BRI3: variants seen among roughly 807,000 people sequenced by gnomAD.
BRI3 encodes the protein membrane protein BRI3.
A neutral mutation model predicts 12.8 loss-of-function variants in BRI3; 6 were observed. The ratio of observed to expected loss-of-function variants is 0.47; its 90% CI spans 0.26 to 0.93. The LOEUF (loss-of-function observed/expected upper bound fraction) is 0.93, where lower values mean the gene tolerates loss of function less well. Among genes scored for constraint, BRI3 ranks in the 40% least tolerant of loss-of-function variants. BRI3 has a pLI of 0.15. For synonymous variants in BRI3, 91 were observed against 76.1 expected, an observed-to-expected ratio of 1.20 and a Z score of -1.02; for missense variants, 134 against 171.1, an observed-to-expected ratio of 0.78 and a Z score of 1.21.
downstream of BRI3, among the ~76,000 whole-genome samples, chr7:98,294,447 C>T (rs150825031): frequency 6.6e-6 from 1 of 152,318 alleles, no homozygotes; most frequent in African/African-American, 2.4e-5. Context: ...AGCGGCCCTC[C>T]CAGGTGTCAG....
downstream of BRI3, among the ~76,000 whole-genome samples, chr7:98,315,250 T>C (rs1482840816): frequency 1.3e-5 from 2 of 151,844 alleles, no homozygotes; most frequent in Admixed American, 1.3e-4. Context: ...GCCTCCTGAG[T>C]AGCTGGGACT....
chr7:98,317,116 G>T, the BRI3 span: 2 of 1,444,456 alleles, frequency 1.4e-6, no homozygotes, highest in Middle Eastern at 3.6e-4. Flanking sequence ...GCCTCCCAAA[G>T]TGCTGGGATT....
Position 98,307,676 on chromosome 7 carries a change from C to T in BRI3, n.306C>T, listed in dbSNP as rs368040146. 28 of 1,613,246 alleles carry T rather than the reference C, an allele frequency of 1.7e-5. No individual in the cohort carries two copies. In the African/African-American group the frequency reaches 2.3e-4, roughly 13 times the overall value. On this transcript the variant is annotated non_coding_transcript_exon_variant, in exon 2 of 2. Transcript: ENST00000485422. ...GTCTGGTGCCCTGCGGGGACCATCA[C>T]GCCCAGACTTACGCCTTGGACACGT... is the stretch of plus-strand genomic sequence containing the variant.
At chr7:98,291,007 A>C (rs1357479758) in intron 2 of BRI3, 104 bp from the exon 3 acceptor site, 65 of 1,333,062 alleles carry the variant, frequency 4.9e-5, no homozygotes, top group Non-Finnish European at 6.9e-5. Flanking sequence ...TCCCCATGTG[A>C]CTCATGGCCA....
chr7:98,292,937 T>C, downstream of BRI3: 17 of 1,315,426 alleles, frequency 1.3e-5, no homozygotes, highest in Non-Finnish European at 1.6e-5. Context: ...CTTAGCACTC[T>C]ACAGCTCTGG....
At chr7:98,305,612 G>C (rs1800626026), upstream of BRI3, among the ~76,000 whole-genome samples, 4 of 152,198 alleles carry the variant, frequency 2.6e-5, no homozygotes, top group Non-Finnish European at 5.9e-5. Context: ...TGTAGAGATG[G>C]GGATCTTGCT....
the BRI3 span, among the ~76,000 whole-genome samples, chr7:98,322,466 A>T: frequency 1.3e-5 from 2 of 152,120 alleles, no homozygotes; most frequent in Non-Finnish European, 2.9e-5. Flanking sequence ...CTTCTCGCCC[A>T]TGTGTAATAC....
chr7:98,290,635 A>C (rs1239788258), intron 2 of BRI3, among the ~76,000 whole-genome samples: 2 of 152,258 alleles, frequency 1.3e-5, no homozygotes, highest in East Asian at 3.9e-4. Context: ...AGTAGCCGGG[A>C]CTACAGGCAT....
downstream of BRI3, chr7:98,315,417 T>G: frequency 7.4e-7 from 1 of 1,351,372 alleles, no homozygotes. Flanking sequence ...AAATATGAAA[T>G]AAAGTTATTA....
intron 2 of BRI3, among the ~76,000 whole-genome samples, chr7:98,285,661 T>C (rs1400345417): frequency 1.3e-5 from 2 of 152,014 alleles, no homozygotes; most frequent in African/African-American, 4.8e-5. Context: ...CTGGGGTGGG[T>C]GTGGTGGCAG....
chr7:98,293,122 C>A, downstream of BRI3: 1 of 393,700 alleles, frequency 2.5e-6, no homozygotes, highest in Non-Finnish European at 3.7e-6. Context: ...CTATTAAGAG[C>A]ACATGCTTTA....
upstream of BRI3, among the ~76,000 whole-genome samples, chr7:98,304,928 C>T (rs150083242): frequency 0.018 from 2,593 of 147,746 alleles, 71 homozygotes; most frequent in African/African-American, 0.061. Context: ...TGCAGTGGCG[C>T]GATCTTGGCT....
chr7:98,320,863 CTTTT>C, the BRI3 span, among the ~76,000 whole-genome samples: 56,393 of 151,534 alleles, frequency 0.37, 12,082 homozygotes, highest in Middle Eastern at 0.54. Context: ...TCTGTTCTGT[CTTTT>C]GTTTTTTGAG....
chr7:98,310,663 GTTT>G (rs1278404391), downstream of BRI3: 4 of 937,302 alleles, frequency 4.3e-6, no homozygotes, highest in African/African-American at 3.6e-5. Context: ...TCCCAAGGCT[GTTT>G]TTTTTTTTTA....
intron 2 of BRI3, among the ~76,000 whole-genome samples, chr7:98,287,923 T>A (rs1422032371): frequency 6.6e-6 from 1 of 152,162 alleles, no homozygotes; most frequent in Non-Finnish European, 1.5e-5. Flanking sequence ...TCTGGGCCTT[T>A]GAACAGGCAG....
rs767968624 is a variant in BRI3, at chr7:98,291,235, T to A, written c.370T>A (p.Phe124Ile). The A allele has an allele frequency of 1.2e-6, 2 of 1,613,194 alleles. No individual in the cohort carries two copies. The highest frequency in any genetic ancestry group is 1.7e-6 in the Non-Finnish European group (2 of 1,180,034). The change falls in exon 3 of 3, where the codon TTC becomes ATC. Residue 124 changes from phenylalanine (F) to isoleucine (I), a missense_variant. Coordinates refer to ENST00000297290, the MANE Select transcript of BRI3 (RefSeq NM_015379.5). Reference sequence around the variant, plus strand: ...ACGATGCCCCAACTGTGGAGCCACCTTCGCTTAAAGGGAACACCAGGCCCG... The same window carrying A: ...ACGATGCCCCAACTGTGGAGCCACCATCGCTTAAAGGGAACACCAGGCCCG... ...KRRCPNCGAT[F>I]A
At chr7:98,317,354 T>G in the BRI3 span, 2 of 1,613,430 alleles carry the variant, frequency 1.2e-6, no homozygotes, top group African/African-American at 2.7e-5. Context: ...TTTTTAGAGT[T>G]GCCTGTAAGT....
At chr7:98,294,067 C>T (rs369999863), downstream of BRI3, 15 of 1,613,782 alleles carry the variant, frequency 9.3e-6, 1 homozygote, top group South Asian at 8.8e-5. Context: ...TAGGAAGCCA[C>T]GCCTACCTGA....
chr7:98,302,957 T>A (rs1350872091), upstream of BRI3, among the ~76,000 whole-genome samples: 1 of 152,122 alleles, frequency 6.6e-6, no homozygotes. Flanking sequence ...GCTAATTTTT[T>A]ATATTTTTTG....
Sources: allele counts gnomAD v4.1 joint callset (sites outside exome capture counted in the v4.1 genomes callset), GRCh38; gene constraint gnomAD v4.1.1; transcripts MANE v1.5; gene names NCBI Gene and HGNC (gene_info 2026-07-23, HGNC 2026-07-21).